PARP8: variants seen among roughly 807,000 people sequenced by gnomAD.
PARP8 encodes the protein protein mono-ADP-ribosyltransferase PARP8.
Under a neutral mutation model 124.1 loss-of-function variants are expected in PARP8, and 51 were observed. That is an observed-to-expected ratio of 0.41 (90% CI 0.33 to 0.52). The LOEUF (loss-of-function observed/expected upper bound fraction) is 0.52, where lower values mean the gene tolerates loss of function less well. Among genes scored for constraint, PARP8 ranks in the 20% least tolerant of loss-of-function variants. PARP8 has a pLI of 0.21. For synonymous variants in PARP8, 391 were observed against 361.5 expected (o/e 1.08, Z -0.93); for missense variants, 860 against 1,018.9 (o/e 0.84, Z 2.12).
chr5:50,822,329 A>C lies in PARP8; in HGVS notation c.1795-6A>C, dbSNP rs1278512411. The stretch of plus-strand genomic sequence containing the variant: ...TGTTTTTTAACATCACTTTTTCATT[A>C]AACAGAAAAAGAACTATGATCGAGT... On this transcript the variant is annotated splice_region_variant and splice_polypyrimidine_tract_variant and intron_variant, in intron 16 of 25. Coordinates refer to ENST00000281631, the MANE Select transcript of PARP8 (RefSeq NM_024615.4). 6.2e-7 allele frequency: 1 copy of C among 1,601,662 alleles called. No individual in the cohort carries two copies. Among genetic ancestry groups the C allele is most frequent in the Non-Finnish European group, 8.6e-7 (1 of 1,169,294 alleles).
intron 9 of PARP8, among the ~76,000 whole-genome samples, chr5:50,779,264 G>C (rs1740392313): frequency 6.6e-6 from 1 of 151,730 alleles, no homozygotes; most frequent in Non-Finnish European, 1.5e-5. Context: ...TATTGTTCCA[G>C]TTATCTAGTG....
At chr5:50,684,303 A>T (rs1205413619) in intron 2 of PARP8, among the ~76,000 whole-genome samples, 1 of 152,106 alleles carries the variant, frequency 6.6e-6, no homozygotes, top group Non-Finnish European at 1.5e-5. Context: ...GAAAAAGGAA[A>T]ATAATGGTCC....
intron 2 of PARP8, among the ~76,000 whole-genome samples, chr5:50,736,249 G>T (rs1757465491): frequency 6.6e-6 from 1 of 152,068 alleles, no homozygotes; most frequent in African/African-American, 2.4e-5. Flanking sequence ...ACTTTTCTGT[G>T]CATTTGTATG....
chr5:50,790,109 C>T (rs1460494763), intron 10 of PARP8, among the ~76,000 whole-genome samples: 1 of 152,100 alleles, frequency 6.6e-6, no homozygotes, highest in Non-Finnish European at 1.5e-5. Context: ...AAGGAAAAAA[C>T]ATTCTTATAA....
chr5:50,757,141 G>T, intron 3 of PARP8: 1 of 455,686 alleles, frequency 2.2e-6, no homozygotes, highest in South Asian at 1.6e-5. Flanking sequence ...CTGCCACAAT[G>T]CACATGGTGG....
intron 2 of PARP8, among the ~76,000 whole-genome samples, chr5:50,687,286 G>A (rs1168987187): frequency 6.6e-6 from 1 of 152,104 alleles, no homozygotes; most frequent in South Asian, 2.1e-4. Context: ...AAAACGTAAC[G>A]AGTCACCTTC....
intron 7 of PARP8, among the ~76,000 whole-genome samples, chr5:50,775,959 CCTTGT>C (rs1258165823): frequency 6.6e-6 from 1 of 152,076 alleles, no homozygotes; most frequent in Non-Finnish European, 1.5e-5. Flanking sequence ...AGGTGGGCAT[CCTTGT>C]CTTGTTCCCA....
chr5:50,739,226 G>T (rs1757776100), intron 2 of PARP8: 1 of 583,188 alleles, frequency 1.7e-6, no homozygotes. Flanking sequence ...GGCTTATCCA[G>T]TCATTCAGTC....
chr5:50,739,732 A>ATTTTTTT, intron 2 of PARP8, among the ~76,000 whole-genome samples: 1 of 44,208 alleles, frequency 2.3e-5, no homozygotes, highest in Non-Finnish European at 4.0e-5. Context: ...ATATATATAT[A>ATTTTTTT]TTTTTTTTTT....
intron 10 of PARP8, among the ~76,000 whole-genome samples, chr5:50,791,276 A>G (rs1741924222): frequency 6.6e-6 from 1 of 152,226 alleles, no homozygotes; most frequent in African/African-American, 2.4e-5. Context: ...TTTAACATAT[A>G]ATAAGACATT....
chr5:50,810,900 C>T (rs1329167128), intron 14 of PARP8, among the ~76,000 whole-genome samples: 8 of 151,862 alleles, frequency 5.3e-5, no homozygotes, highest in East Asian at 1.9e-4. Flanking sequence ...CACATTATGA[C>T]GTTTGTAGTT....
At chr5:50,759,796 G>C (rs142915161) in intron 4 of PARP8, 64 bp downstream of exon 4, 1 of 1,458,978 alleles carries the variant, frequency 6.9e-7, no homozygotes, top group East Asian at 2.7e-5. Context: ...TTTTTTGTTT[G>C]TTTGTTTGTT....
At chr5:50,778,710 A>AG in intron 9 of PARP8, 60 bp downstream of exon 9, 1 of 1,065,704 alleles carries the variant, frequency 9.4e-7, no homozygotes, top group South Asian at 1.9e-5. Flanking sequence ...CTATGCCTTA[A>AG]GCAAAATGCG....
chr5:50,754,636 A>G (rs1013001906), intron 3 of PARP8, among the ~76,000 whole-genome samples: 4 of 152,184 alleles, frequency 2.6e-5, no homozygotes, highest in Admixed American at 2.0e-4. Context: ...TAGTGCTGCA[A>G]TAAACGTACG....
chr5:50,770,682 C>T (rs968329902), intron 7 of PARP8, among the ~76,000 whole-genome samples: 6 of 145,634 alleles, frequency 4.1e-5, no homozygotes, highest in South Asian at 4.4e-4. Context: ...AAAGAAATAA[C>T]GAAAGAAAGC....
At chr5:50,778,692 G>T (rs1288534190) in intron 9 of PARP8, 42 bp downstream of exon 9, 2 of 1,358,990 alleles carry the variant, frequency 1.5e-6, no homozygotes, top group African/African-American at 1.5e-5. Flanking sequence ...ATATTAATTA[G>T]CTGTGCACTA....
chr5:50,667,892 C>T, intron 1 of PARP8, 179 bp from the exon 2 acceptor site: 1 of 1,494,024 alleles, frequency 6.7e-7, no homozygotes, highest in Non-Finnish European at 8.9e-7. Context: ...CCGCTGCACC[C>T]AGTCGGGGGC....
At chr5:50,802,671 G>A (rs1455208611) in intron 14 of PARP8, among the ~76,000 whole-genome samples, 2 of 152,062 alleles carry the variant, frequency 1.3e-5, no homozygotes, top group African/African-American at 4.8e-5. Context: ...CTCCCAGAGT[G>A]GAAGTACGTG....
intron 2 of PARP8, among the ~76,000 whole-genome samples, chr5:50,736,702 A>G (rs2149526790): frequency 6.6e-6 from 1 of 152,304 alleles, no homozygotes; most frequent in East Asian, 1.9e-4. Flanking sequence ...TCTATAATTT[A>G]TGCCTATCAT....
Sources: allele counts gnomAD v4.1 joint callset (sites outside exome capture counted in the v4.1 genomes callset), GRCh38; gene constraint gnomAD v4.1.1; transcripts MANE v1.5; gene names NCBI Gene and HGNC (gene_info 2026-07-23, HGNC 2026-07-21).